SMYD3: variants seen among roughly 807,000 people sequenced by gnomAD.
The protein encoded by SMYD3 is SET and MYND domain containing 3.
Under a neutral mutation model 57.7 loss-of-function variants are expected in SMYD3, and 36 were observed. That is an observed-to-expected ratio of 0.62 (90% confidence interval 0.48 to 0.82). The LOEUF (loss-of-function observed/expected upper bound fraction) is 0.82, where lower values mean the gene tolerates loss of function less well. SMYD3 is among the 40% of genes least tolerant of loss of function. The probability of loss-of-function intolerance (pLI) is 0.00; values close to 1 mark genes in which losing one functional copy is unlikely to be tolerated. For synonymous variants in SMYD3, 211 were observed against 195.0 expected (o/e 1.08, Z -0.68); for missense variants, 515 against 538.8 (o/e 0.96, Z 0.44).
intron 10 of SMYD3, among the ~76,000 whole-genome samples, chr1:245,773,141 C>A (rs994810959): frequency 6.2e-5 from 9 of 145,280 alleles, no homozygotes; most frequent in African/African-American, 2.3e-4. Flanking sequence ...TCATTTTCCA[C>A]AGCCAAAAAC....
intron 5 of SMYD3, among the ~76,000 whole-genome samples, chr1:246,047,929 A>T (rs1452193235): frequency 6.6e-6 from 1 of 152,218 alleles, no homozygotes; most frequent in Non-Finnish European, 1.5e-5. Context: ...GCATTTTTTA[A>T]AAAAACCTAC....
chr1:246,419,034 C>T (rs968672591), intron 1 of SMYD3, among the ~76,000 whole-genome samples: 6 of 152,154 alleles, frequency 3.9e-5, no homozygotes, highest in African/African-American at 7.2e-5. Flanking sequence ...CCCGCCCTTG[C>T]GATAATGGAC....
intron 2 of SMYD3, among the ~76,000 whole-genome samples, chr1:246,339,244 TC>T (rs1448481867): frequency 6.6e-6 from 1 of 152,154 alleles, no homozygotes; most frequent in Non-Finnish European, 1.5e-5. Flanking sequence ...CATCTCTACT[TC>T]CCTTCTCACA....
intron 8 of SMYD3, among the ~76,000 whole-genome samples, chr1:245,901,797 T>C (rs1320078696): frequency 6.6e-6 from 1 of 152,194 alleles, no homozygotes; most frequent in Non-Finnish European, 1.5e-5. Flanking sequence ...CGGGATTGGC[T>C]CAGAGCCAGG....
intron 5 of SMYD3, among the ~76,000 whole-genome samples, chr1:246,294,733 G>T (rs2064761807): frequency 6.6e-6 from 1 of 152,068 alleles, no homozygotes; most frequent in Non-Finnish European, 1.5e-5. Context: ...CAAGTAACTG[G>T]AATTACAGGC....
At chr1:246,376,798 C>T (rs893695465) in intron 1 of SMYD3, among the ~76,000 whole-genome samples, 1 of 151,628 alleles carries the variant, frequency 6.6e-6, no homozygotes, top group African/African-American at 2.4e-5. Flanking sequence ...AAAATTAAGA[C>T]GTTAAAAAAA....
chr1:245,831,351 G>T (rs2049822698), intron 10 of SMYD3, among the ~76,000 whole-genome samples: 1 of 152,216 alleles, frequency 6.6e-6, no homozygotes, highest in South Asian at 2.1e-4. Flanking sequence ...ATGGGAAGGA[G>T]CTAGCATTTG....
intron 8 of SMYD3, among the ~76,000 whole-genome samples, chr1:245,880,603 C>T (rs1026683569): frequency 6.6e-6 from 1 of 152,308 alleles, no homozygotes; most frequent in African/African-American, 2.4e-5. Flanking sequence ...CCAGTCCAAT[C>T]CTTATAGAAG....
chr1:246,002,377 G>A (rs570620395), intron 5 of SMYD3, among the ~76,000 whole-genome samples: 2 of 59,448 alleles, frequency 3.4e-5, no homozygotes, highest in Non-Finnish European at 8.2e-5. Context: ...GTAGAGACGG[G>A]GTTTCACCGT....
At chr1:246,091,725 GTGAGCTCAA>G (rs1426789627) in intron 5 of SMYD3, among the ~76,000 whole-genome samples, 1 of 152,206 alleles carries the variant, frequency 6.6e-6, no homozygotes, top group Non-Finnish European at 1.5e-5. Context: ...TTGGAAATAT[GTGAGCTCAA>G]TGAGCTAAAT....
intron 5 of SMYD3, among the ~76,000 whole-genome samples, chr1:245,947,038 G>A (rs1306221647): frequency 6.6e-6 from 1 of 152,144 alleles, no homozygotes; most frequent in African/African-American, 2.4e-5. Context: ...GCTCTTCCGT[G>A]GCCCTGGGAG....
At position 245,958,030 on chromosome 1, in the gene SMYD3, G is replaced by A. The variant is rs187730410; in HGVS notation, c.532-28093C>T. ...TCAGAGACTTTGAGAAAAAAAAAGC[G>A]GGGGGGAGAAACAAGCGGGTTTTCT... On this transcript the variant is annotated intron_variant, in intron 5 of 11. Coordinates refer to ENST00000490107, the MANE Select transcript of SMYD3 (RefSeq NM_001167740.2). Among the ~76,000 whole-genome samples the A allele has an allele frequency of 6.4e-4, 97 of 151,300 alleles. 1 individual carries two copies. The highest frequency in any genetic ancestry group is 6.4e-3 in the East Asian group (33 of 5,158).
At chr1:245,820,937 G>T (rs2148338054) in intron 10 of SMYD3, among the ~76,000 whole-genome samples, 1 of 151,220 alleles carries the variant, frequency 6.6e-6, no homozygotes, top group African/African-American at 2.4e-5. Flanking sequence ...TCATGGGTAG[G>T]AAGAATCAAT....
intron 5 of SMYD3, among the ~76,000 whole-genome samples, chr1:246,224,499 G>C (rs1332982316): frequency 6.6e-6 from 1 of 151,992 alleles, no homozygotes; most frequent in African/African-American, 2.4e-5. Flanking sequence ...ATAGCATAAG[G>C]GATTCACACT....
At chr1:246,467,052 C>T (rs145720998) in intron 1 of SMYD3, among the ~76,000 whole-genome samples, 1 of 151,950 alleles carries the variant, frequency 6.6e-6, no homozygotes, top group Non-Finnish European at 1.5e-5. Flanking sequence ...TGCCTGTAAT[C>T]GCAGCTACTT....
At chr1:245,916,793 T>G (rs923128929) in intron 7 of SMYD3, among the ~76,000 whole-genome samples, 1 of 152,090 alleles carries the variant, frequency 6.6e-6, no homozygotes, top group African/African-American at 2.4e-5. Flanking sequence ...ATAAAATATG[T>G]CAGATGACAT....
chr1:246,394,709 C>A (rs1168242275), intron 1 of SMYD3, among the ~76,000 whole-genome samples: 1 of 151,698 alleles, frequency 6.6e-6, no homozygotes, highest in Non-Finnish European at 1.5e-5. Context: ...ATAAGAGAGG[C>A]TCCCGAACCT....
At position 245,863,811 on chromosome 1, in the gene SMYD3, T is replaced by G. The variant is rs373496834; in HGVS notation, c.889A>C (p.Lys297Gln). 2.2e-5 allele frequency: 36 copies of G among 1,613,876 alleles called. No homozygotes were observed. Among genetic ancestry groups the G allele is most frequent in the Non-Finnish European group, 2.8e-5 (33 of 1,179,906 alleles). Residue 297 changes from lysine (K) to glutamine (Q), a missense_variant, in exon 9 of 12, where the codon AAG becomes CAG. By Grantham distance (53) the Lys-to-Gln change is moderately conservative. Coordinates refer to ENST00000490107, the MANE Select transcript of SMYD3 (RefSeq NM_001167740.2). ...GGCGAAAGGATACTCCAGTGTGCCT[T>G]CAGTTCTTCAATTTTTTTCAGGGAT... is the stretch of plus-strand genomic sequence containing the variant. Reference protein sequence around the residue: ...QESLKKIEELKAHWKWEQVLA... With the variant: ...QESLKKIEELQAHWKWEQVLA...
chr1:246,102,364 C>T (rs1032253945), intron 5 of SMYD3, among the ~76,000 whole-genome samples: 3 of 152,146 alleles, frequency 2.0e-5, no homozygotes, highest in Non-Finnish European at 4.4e-5. Flanking sequence ...TTCTTCTCTA[C>T]ATCTCAGATC....
Sources: allele counts gnomAD v4.1 joint callset (sites outside exome capture counted in the v4.1 genomes callset), GRCh38; gene constraint gnomAD v4.1.1; transcripts MANE v1.5; gene names NCBI Gene and HGNC (gene_info 2026-07-23, HGNC 2026-07-21).